UTRN: variants seen among roughly 807,000 people sequenced by gnomAD.
UTRN encodes utrophin.
A neutral mutation model predicts 463.9 loss-of-function variants in UTRN; 283 were observed. The ratio of observed to expected loss-of-function variants is 0.61; its 90% confidence interval spans 0.55 to 0.67. UTRN has a LOEUF of 0.67. Among genes scored for constraint, UTRN ranks in the 30% least tolerant of loss-of-function variants. The pLI is 0.00. For missense variants in UTRN, 3,922 were observed against 4,084.3 expected (o/e 0.96, Z 1.08); for synonymous variants, 1,442 against 1,431.5 (o/e 1.01, Z -0.17).
At chr6:144,486,027 G>A (rs1792409014) in intron 28 of UTRN, among the ~76,000 whole-genome samples, 1 of 152,188 alleles carries the variant, frequency 6.6e-6, no homozygotes, top group Non-Finnish European at 1.5e-5. Context: ...TGTACCCGAT[G>A]CTTTGTTATT....
At chr6:144,664,055 A>G (rs1468428687) in intron 51 of UTRN, among the ~76,000 whole-genome samples, 1 of 152,210 alleles carries the variant, frequency 6.6e-6, no homozygotes, top group Non-Finnish European at 1.5e-5. Context: ...CTGCATAATT[A>G]AGCAAAAGTA....
At chr6:144,523,814 G>A (rs1368613479) in intron 41 of UTRN, among the ~76,000 whole-genome samples, 1 of 152,180 alleles carries the variant, frequency 6.6e-6, no homozygotes, top group African/African-American at 2.4e-5. Context: ...GATGATTAAT[G>A]TGAGTGAAGA....
chr6:144,824,770 TG>T (rs199498962), intron 66 of UTRN, among the ~76,000 whole-genome samples: 2 of 114,660 alleles, frequency 1.7e-5, no homozygotes, highest in African/African-American at 3.6e-5. Context: ...GTGAAGTTGG[TG>T]GTGGGGGGGG....
chr6:144,666,575 A>G (rs765105842), intron 51 of UTRN, among the ~76,000 whole-genome samples: 21 of 152,212 alleles, frequency 1.4e-4, no homozygotes, highest in Non-Finnish European at 2.5e-4. Context: ...AAATATTAAG[A>G]TGATTTTCTG....
rs544180403 is a variant in UTRN at position 144,467,720 on chromosome 6, G to A, written c.3066+4854G>A. Among the ~76,000 whole-genome samples, 462 of 152,188 alleles carry A rather than the reference G, an allele frequency of 3.0e-3. 1 individual carries two copies. Among genetic ancestry groups the A allele is most frequent in the African/African-American group, 9.3e-3 (386 of 41,510 alleles). ...TACTTTCTAAGAGTAATATTAGTACGGATGATTTAACCCTTCTTAGGTAAC... is the reference window on the plus strand; with the variant it reads ...TACTTTCTAAGAGTAATATTAGTACAGATGATTTAACCCTTCTTAGGTAAC... On this transcript the variant is annotated intron_variant, in intron 23 of 74. Transcript: ENST00000367545.
intron 51 of UTRN, among the ~76,000 whole-genome samples, chr6:144,612,748 G>A (rs1452062892): frequency 1.3e-5 from 2 of 152,108 alleles, no homozygotes; most frequent in Admixed American, 1.3e-4. Context: ...CTCATATATT[G>A]TGAGTGGGAA....
At chr6:144,531,553 C>G (rs1797058608) in intron 42 of UTRN, among the ~76,000 whole-genome samples, 1 of 152,060 alleles carries the variant, frequency 6.6e-6, no homozygotes, top group Non-Finnish European at 1.5e-5. Flanking sequence ...GTTTTTTGTA[C>G]TTAAACACTT....
At chr6:144,381,767 C>G (rs1780952873) in intron 2 of UTRN, among the ~76,000 whole-genome samples, 1 of 152,184 alleles carries the variant, frequency 6.6e-6, no homozygotes, top group African/African-American at 2.4e-5. Context: ...TGAGGCTTCC[C>G]CAGCCACATG....
chr6:144,851,187 A>C lies in UTRN; in HGVS notation c.*190A>C. ...GAGAAATGGATATTTTGTTTTTATAATAACCATATATTATTGTTTTCTTCT... is the reference window on the plus strand; with the variant it reads ...GAGAAATGGATATTTTGTTTTTATACTAACCATATATTATTGTTTTCTTCT... On this transcript the variant is annotated 3_prime_UTR_variant, in exon 75 of 75. Transcript: ENST00000367545. The C allele has an allele frequency of 1.5e-6, 1 of 672,378 alleles. No homozygotes were observed. The highest frequency in any genetic ancestry group is 1.9e-5 in the South Asian group (1 of 52,712). 41.7% of individuals were successfully genotyped at this position (672,378 alleles called of 1,614,324 possible). A position where few individuals can be genotyped will look rare whatever the true frequency, so the allele number is the denominator to read the frequency against.
chr6:144,812,733 T>G (rs1778730745), intron 65 of UTRN, among the ~76,000 whole-genome samples: 2 of 152,220 alleles, frequency 1.3e-5, no homozygotes, highest in African/African-American at 2.4e-5. Flanking sequence ...GATTTCGCCT[T>G]AAAAGTGATT....
chr6:144,499,224 G>C, intron 33 of UTRN, 33 bp from the exon 34 acceptor site: 1 of 1,592,102 alleles, frequency 6.3e-7, no homozygotes, highest in Non-Finnish European at 8.6e-7. Flanking sequence ...TCCCATCTCA[G>C]TCTCAGTCTC....
chr6:144,328,301 G>A (rs1205016265), intron 2 of UTRN, among the ~76,000 whole-genome samples: 1 of 152,070 alleles, frequency 6.6e-6, no homozygotes, highest in Non-Finnish European at 1.5e-5. Flanking sequence ...GGTTAGAACT[G>A]GGCTTATCTA....
chr6:144,653,032 A>T (rs1370468685), intron 51 of UTRN, among the ~76,000 whole-genome samples: 2 of 148,746 alleles, frequency 1.3e-5, no homozygotes, highest in Non-Finnish European at 3.0e-5. Context: ...TTTGTATGAA[A>T]ATAGAAACAC....
chr6:144,707,811 G>T (rs190671744), intron 53 of UTRN, among the ~76,000 whole-genome samples: 3 of 152,262 alleles, frequency 2.0e-5, no homozygotes, highest in Non-Finnish European at 2.9e-5. Context: ...AGAACTGCTG[G>T]ACTAGGCATT....
At chr6:144,714,429 A>G (rs1225021920) in intron 53 of UTRN, among the ~76,000 whole-genome samples, 1 of 152,176 alleles carries the variant, frequency 6.6e-6, no homozygotes, top group Non-Finnish European at 1.5e-5. Context: ...CTGCTGTACC[A>G]GCAATACCTC....
chr6:144,336,114 C>T (rs1776700128), intron 2 of UTRN, among the ~76,000 whole-genome samples: 1 of 152,118 alleles, frequency 6.6e-6, no homozygotes, highest in Non-Finnish European at 1.5e-5. Context: ...TGGGCATTTG[C>T]AAGAGGAAGC....
intron 3 of UTRN, among the ~76,000 whole-genome samples, chr6:144,409,221 A>T (rs1251395107): frequency 1.3e-5 from 2 of 152,130 alleles, no homozygotes; most frequent in Non-Finnish European, 2.9e-5. Flanking sequence ...TTAAAATTTG[A>T]TTTTTGTCTC....
chr6:144,337,699 C>T (rs1297779498), intron 2 of UTRN, among the ~76,000 whole-genome samples: 1 of 152,182 alleles, frequency 6.6e-6, no homozygotes, highest in Non-Finnish European at 1.5e-5. Flanking sequence ...ACTGCAACCT[C>T]TGCCTCCCTG....
At position 144,757,933 on chromosome 6, in the gene UTRN, A is replaced by G. The variant is rs779859264; in HGVS notation, c.8439A>G (p.Ser2813=). 1.2e-6 allele frequency: 2 copies of G among 1,609,652 alleles called. No homozygotes were observed. The highest frequency in any genetic ancestry group is 1.3e-5 in the African/African-American group (1 of 74,710). The change falls in exon 58 of 75, where the codon TCA becomes TCG. Residue 2813 remains serine, a synonymous_variant. Transcript: ENST00000367545. ...GPSSQHFLST[S]VQLPWQRSIS... is the part of the protein sequence containing the mutation. Reference sequence around the variant, plus strand: ...AATCTCCCTTTGTTTCCTCAGCGTCAGTCCAGCTGCCGTGGCAAAGATCCA... The same window carrying G: ...AATCTCCCTTTGTTTCCTCAGCGTCGGTCCAGCTGCCGTGGCAAAGATCCA...
Sources: gnomAD v4.1 joint callset for allele counts (sites outside exome capture counted in the v4.1 genomes callset) on GRCh38, gnomAD v4.1.1 for gene constraint, MANE v1.5 for transcripts, NCBI Gene and HGNC (gene_info 2026-07-23, HGNC 2026-07-21) for gene names.